The following PAXIP1 variants were observed in gnomAD, a reference collection of about 807,000 sequenced individuals.
PAXIP1 encodes PAX interacting protein 1, also known as PAX-interacting protein 1.
A neutral mutation model predicts 140.6 loss-of-function variants in PAXIP1; 19 were observed. The observed-to-expected ratio is 0.14, with a 90% CI of 0.09 to 0.20. The LOEUF (loss-of-function observed/expected upper bound fraction) is 0.20. PAXIP1 is among the 10% of genes least tolerant of loss of function. The pLI is 1.00. For synonymous variants in PAXIP1, 442 were observed against 444.6 expected (o/e 0.99, Z 0.07); for missense variants, 920 against 1,208.6 (o/e 0.76, Z 3.54).
chr7:154,985,121 C>A (rs191451376), intron 4 of PAXIP1, among the ~76,000 whole-genome samples: 3 of 152,134 alleles, frequency 2.0e-5, no homozygotes, highest in Admixed American at 2.0e-4. Flanking sequence ...TCTCCACCAG[C>A]GTAATTAAGA....
At chr7:154,990,128 G>A (rs549109221) in intron 4 of PAXIP1, among the ~76,000 whole-genome samples, 30 of 132,114 alleles carry the variant, frequency 2.3e-4, no homozygotes, top group African/African-American at 7.4e-4. Flanking sequence ...CACAACCTCC[G>A]CCTCCCAGGT....
At position 154,963,957 on chromosome 7, in the gene PAXIP1, C is replaced by T. The variant is rs1808883552; in HGVS notation, c.1894-191G>A. ...AGCACCATACAATGAAAATGAACTC[C>T]AATACTCTAAATTTAATCTGAATTC... On this transcript the variant is annotated intron_variant, in intron 8 of 20. Coordinates refer to ENST00000404141, the MANE Select transcript of PAXIP1 (RefSeq NM_007349.4). This position sits in a 1 kb window ranked among gnomAD's most constrained non-coding sequence, Gnocchi z 4.1. 3 of 557,330 alleles carry T rather than the reference C, an allele frequency of 5.4e-6. No homozygotes were observed. Among genetic ancestry groups the T allele is most frequent in the African/African-American group, 1.9e-5 (1 of 53,088 alleles). The allele number at this position is 557,330 out of a possible 1,614,324, so 34.5% of individuals were successfully genotyped here.
rs775157278 is a variant in PAXIP1 at position 154,976,141 on chromosome 7, T to C, written c.629A>G (p.Asn210Ser). The change falls in exon 6 of 21, where the codon AAT becomes AGT. Residue 210 changes from asparagine (N) to serine (S), a missense_variant. Coordinates refer to ENST00000404141, the MANE Select transcript of PAXIP1 (RefSeq NM_007349.4). Reference protein sequence around the residue: ...EVENEEQDSQNEGSTDEKSSP... With the variant: ...EVENEEQDSQSEGSTDEKSSP... The stretch of plus-strand genomic sequence containing the variant: ...TGACTTCTCATCTGTACTACCCTCA[T>C]TCTGAGAATCTTGTTCCTCATTTTC... The C allele has an allele frequency of 2.5e-6, 4 of 1,576,614 alleles. No homozygotes were observed. The highest frequency in any genetic ancestry group is 3.4e-6 in the Non-Finnish European group (4 of 1,159,438).
chr7:154,964,882 GC>G (rs989240985), intron 8 of PAXIP1: 1 of 152,102 alleles, frequency 6.6e-6, no homozygotes, highest in Non-Finnish European at 1.5e-5. Context: ...CCTCATCCCA[GC>G]CCCCCAGAAT....
rs762887463 is a variant in PAXIP1 at position 154,946,707 on chromosome 7, C to T, written c.3029G>A (p.Arg1010Gln). ...GTTCTGCTTGTGCTCCATGAGCTTC[C>T]GGAAAGATGGCTGCTTGGATAACAC... The part of the protein sequence containing the change: ...GKVLSKQPSF[R>Q]KLMEHKQNSS... The change falls in exon 18 of 21, where the codon CGG (arginine) becomes CAG (glutamine). Residue 1010 changes from arginine to glutamine, a missense_variant. Coordinates refer to ENST00000404141, the MANE Select transcript of PAXIP1 (RefSeq NM_007349.4). The surrounding 1 kb of genome is among the most constrained non-coding windows in gnomAD (Gnocchi z 4.9). 16 of 1,613,550 alleles carry T rather than the reference C, an allele frequency of 9.9e-6. No homozygotes were observed. The highest frequency in any genetic ancestry group is 1.7e-5 in the Admixed American group (1 of 59,964).
intron 8 of PAXIP1, chr7:154,965,302 C>T (rs1484158711): frequency 6.6e-6 from 1 of 152,354 alleles, no homozygotes; most frequent in African/African-American, 2.4e-5. Flanking sequence ...CGCTGGCATC[C>T]TGACTGCAAC....
At chr7:154,962,295 A>C in intron 10 of PAXIP1, 26 bp downstream of exon 10, 3 of 1,608,058 alleles carry the variant, frequency 1.9e-6, no homozygotes, top group Non-Finnish European at 2.6e-6. Flanking sequence ...TGATTTAACA[A>C]ATGGAACGCG....
At position 154,946,691 on chromosome 7, in the gene PAXIP1, G is replaced by A; in HGVS notation, c.3045C>T (p.His1015=). 6.2e-7 allele frequency: 1 copy of A among 1,613,746 alleles called. No individual in the cohort carries two copies. The highest frequency in any genetic ancestry group is 8.5e-7 in the Non-Finnish European group (1 of 1,179,868). Residue 1015 remains histidine (H), a synonymous_variant, in exon 18 of 21, where the codon CAC becomes CAT. Transcript: ENST00000404141. The surrounding 1 kb of genome is among the most constrained non-coding windows in gnomAD (Gnocchi z 4.9). The part of the protein sequence containing the change: ...KQPSFRKLME[H]KQNSSLSEII... Reference sequence around the variant, plus strand: ...CCACTCTACCCACCGAGTTCTGCTTGTGCTCCATGAGCTTCCGGAAAGATG... The same window carrying A: ...CCACTCTACCCACCGAGTTCTGCTTATGCTCCATGAGCTTCCGGAAAGATG...
intron 8 of PAXIP1, chr7:154,967,558 A>G: frequency 2.5e-6 from 1 of 401,006 alleles, no homozygotes; most frequent in Non-Finnish European, 4.5e-6. Context: ...CCAATTATAC[A>G]CATATAATTA....
In PAXIP1 at chr7:154,955,715, T is replaced by A. The variant is rs1313137381; in HGVS notation, c.2550-84A>T. 4 of 724,040 alleles carry A rather than the reference T, an allele frequency of 5.5e-6. No homozygotes were observed. In the Admixed American group the frequency reaches 1.3e-4, roughly 24 times the overall value. 44.9% of individuals were successfully genotyped at this position (724,040 alleles called of 1,614,324 possible). On this transcript the variant is annotated intron_variant, in intron 14 of 20. Transcript: ENST00000404141. ...TTCTTTAGAAAACAAGGGATTTCAT[T>A]AGTTTAACAAGCTTTAACTGCATGT...
intron 16 of PAXIP1, among the ~76,000 whole-genome samples, chr7:154,953,083 T>C (rs1383857036): frequency 1.3e-5 from 2 of 152,206 alleles, no homozygotes; most frequent in South Asian, 2.1e-4. Context: ...TAAAATATTT[T>C]AAATTTAAAA....
At position 154,944,018 on chromosome 7, in the gene PAXIP1, G is replaced by A. The variant is rs1366686864; in HGVS notation, c.*131C>T. On this transcript the variant is annotated 3_prime_UTR_variant, in exon 21 of 21. Transcript: ENST00000404141. Reference sequence around the variant, plus strand: ...GTATATTTATTATATCTGTCTTCCTGCTTCACAGTCTGATCCCCCAGGAAA... The same window carrying A: ...GTATATTTATTATATCTGTCTTCCTACTTCACAGTCTGATCCCCCAGGAAA... 3.8e-6 allele frequency: 3 copies of A among 795,556 alleles called. No individual in the cohort carries two copies. In the African/African-American group the frequency reaches 5.1e-5, roughly 14 times the overall value. The allele number at this position is 795,556 out of a possible 1,614,324, so 49.3% of individuals were successfully genotyped here.
rs200292138 is a variant in PAXIP1, at chr7:154,998,802, C to A, written c.82-18G>T. On this transcript the variant is annotated intron_variant, in intron 1 of 20. Transcript: ENST00000404141. ...TGAATAACCTAAAAAACAAGAAAATCCACACAAATTAAAATGGGCAATACT... is the reference window on the plus strand; with the variant it reads ...TGAATAACCTAAAAAACAAGAAAATACACACAAATTAAAATGGGCAATACT... 292 of 1,601,718 alleles carry A rather than the reference C, an allele frequency of 1.8e-4. 1 individual carries two copies. Among genetic ancestry groups the A allele is most frequent in the Non-Finnish European group, 2.5e-4 (288 of 1,173,050 alleles).
At chr7:154,983,490 CTTA>C (rs1809935972) in intron 4 of PAXIP1, 158 bp from the exon 5 acceptor site, 2 of 547,858 alleles carry the variant, frequency 3.7e-6, no homozygotes, top group East Asian at 3.5e-5. Context: ...TAGCTATCTG[CTTA>C]TTATAACAAA....
At chr7:154,958,517 G>C (rs773608773) in intron 13 of PAXIP1, among the ~76,000 whole-genome samples, 9 of 152,154 alleles carry the variant, frequency 5.9e-5, no homozygotes, top group Non-Finnish European at 1.2e-4. Context: ...GTCATACATA[G>C]AGAATCAAGC....
In PAXIP1 at chr7:154,962,380, G is replaced by A. The variant is rs1808794413; in HGVS notation, c.2068C>T (p.His690Tyr). ...GCCACTGGGAAGTGAAGGGCTCGGT[G>A]CGGCGGTACCATTTTCTTCTTCTTT... ...VLKKKKMVPP[H>Y]RALHFPVAFP... is the part of the protein sequence containing the mutation. Residue 690 changes from histidine (H) to tyrosine (Y), a missense_variant, in exon 10 of 21, where the codon CAC becomes TAC. Physicochemically the swap from His to Tyr is moderately conservative, Grantham distance 83. This residue lies in a region of PAXIP1 where 303 missense variants were observed against 517.9 expected (regional missense o/e 0.59). Coordinates refer to ENST00000404141, the MANE Select transcript of PAXIP1 (RefSeq NM_007349.4). 1 of 1,613,442 alleles carries A rather than the reference G, an allele frequency of 6.2e-7. No individual in the cohort carries two copies. The highest frequency in any genetic ancestry group is 8.5e-7 in the Non-Finnish European group (1 of 1,179,758).
chr7:154,959,869 A>C (rs1445725747), intron 13 of PAXIP1, 21 bp downstream of exon 13: 1 of 1,524,000 alleles, frequency 6.6e-7, no homozygotes, highest in East Asian at 2.3e-5. Flanking sequence ...TAGCCAAGGT[A>C]AGGTTATTAA....
intron 6 of PAXIP1, among the ~76,000 whole-genome samples, chr7:154,975,083 G>A (rs764278628): frequency 1.3e-5 from 2 of 151,124 alleles, no homozygotes; most frequent in African/African-American, 2.4e-5. Context: ...TTTGAACCCG[G>A]GAGGTGGAGG....
chr7:154,972,766 C>T lies in PAXIP1; in HGVS notation c.1074+2930G>A, dbSNP rs79351931. Reference sequence around the variant, plus strand: ...CACTGCTGACAGGACAGGTCCACTGCGTGGCCGCAGTCTTCCTGCCAGGAC... The same window carrying T: ...CACTGCTGACAGGACAGGTCCACTGTGTGGCCGCAGTCTTCCTGCCAGGAC... On this transcript the variant is annotated intron_variant, in intron 6 of 20. Transcript: ENST00000404141. 4.5e-3 allele frequency among the ~76,000 whole-genome samples: 686 copies of T among 152,362 alleles called. 6 individuals carry two copies. Among genetic ancestry groups the T allele is most frequent in the African/African-American group, 0.015 (633 of 41,576 alleles).
Sources: allele counts gnomAD v4.1 joint callset (sites outside exome capture counted in the v4.1 genomes callset), GRCh38; gene constraint gnomAD v4.1.1; regional missense constraint gnomAD v4.1.1; non-coding constraint Gnocchi (gnomAD v3.1); transcripts MANE v1.5; gene names NCBI Gene and HGNC (gene_info 2026-07-23, HGNC 2026-07-21).